Variants in CHCHD6 observed in about 807,000 individuals in gnomAD.
The protein encoded by CHCHD6 is coiled-coil-helix-coiled-coil-helix domain containing 6.
A neutral mutation model predicts 32.3 loss-of-function variants in CHCHD6; 28 were observed. The ratio of observed to expected loss-of-function variants is 0.87; its 90% confidence interval spans 0.64 to 1.19. CHCHD6 has a LOEUF of 1.19. Ranked by LOEUF, CHCHD6 falls within the 50% of genes most tolerant of loss-of-function variation. The pLI is 0.00. For missense variants in CHCHD6, 333 were observed against 307.0 expected, an observed-to-expected ratio of 1.08 and a Z score of -0.63; for synonymous variants, 122 against 117.5, an observed-to-expected ratio of 1.04 and a Z score of -0.25.
At chr3:126,786,416 A>G (rs1007956754) in intron 4 of CHCHD6, among the ~76,000 whole-genome samples, 8 of 152,204 alleles carry the variant, frequency 5.3e-5, no homozygotes, top group Admixed American at 3.3e-4. Context: ...GACTTCTACA[A>G]TGGTTGAACT....
chr3:126,933,449 T>A (rs1576620612), intron 6 of CHCHD6, among the ~76,000 whole-genome samples: 1 of 152,218 alleles, frequency 6.6e-6, no homozygotes, highest in African/African-American at 2.4e-5. Flanking sequence ...AGAGGTTTAT[T>A]TGGCTCATGG....
intron 5 of CHCHD6, among the ~76,000 whole-genome samples, chr3:126,895,893 T>G (rs2077831760): frequency 6.6e-6 from 1 of 152,202 alleles, no homozygotes; most frequent in Non-Finnish European, 1.5e-5. Context: ...TGGGACCTCT[T>G]GCCTCTGCTG....
chr3:126,761,553 G>A (rs1937162543), intron 4 of CHCHD6, among the ~76,000 whole-genome samples: 1 of 152,100 alleles, frequency 6.6e-6, no homozygotes, highest in Admixed American at 6.6e-5. Context: ...AGTTTCCCAA[G>A]TATCTGGGAC....
chr3:126,797,966 C>T (rs1938873735), intron 4 of CHCHD6, among the ~76,000 whole-genome samples: 1 of 152,208 alleles, frequency 6.6e-6, no homozygotes, highest in Non-Finnish European at 1.5e-5. Context: ...TGAATGATCT[C>T]CCCCAACTGT....
intron 6 of CHCHD6, among the ~76,000 whole-genome samples, chr3:126,921,292 A>T (rs1559923650): frequency 6.6e-6 from 1 of 152,182 alleles, no homozygotes; most frequent in Admixed American, 6.5e-5. Flanking sequence ...AGGAGTGTTG[A>T]TGGCAAGGCT....
chr3:126,800,410 G>A (rs1018049524), intron 4 of CHCHD6, among the ~76,000 whole-genome samples: 3 of 152,170 alleles, frequency 2.0e-5, no homozygotes, highest in East Asian at 1.9e-4. Flanking sequence ...GCTGGAACTC[G>A]GGCCTGCAGT....
At chr3:126,740,767 A>T (rs901008386) in intron 4 of CHCHD6, among the ~76,000 whole-genome samples, 15 of 152,254 alleles carry the variant, frequency 9.9e-5, no homozygotes, top group South Asian at 6.2e-4. Flanking sequence ...CTGGGTTCCC[A>T]CTTAACCTGG....
At chr3:126,776,755 A>G (rs1414947656) in intron 4 of CHCHD6, among the ~76,000 whole-genome samples, 5 of 152,206 alleles carry the variant, frequency 3.3e-5, no homozygotes, top group Non-Finnish European at 5.9e-5. Context: ...TTAGGGATAC[A>G]TTTTATAACC....
chr3:126,901,501 G>A (rs542066444), intron 5 of CHCHD6, among the ~76,000 whole-genome samples: 1 of 152,348 alleles, frequency 6.6e-6, no homozygotes, highest in South Asian at 2.1e-4. Context: ...CCCACGGGAA[G>A]TGGGAGCTGT....
chr3:126,898,027 C>A (rs1214442711), intron 5 of CHCHD6, among the ~76,000 whole-genome samples: 15 of 152,350 alleles, frequency 9.8e-5, no homozygotes, highest in Non-Finnish European at 1.5e-5. Context: ...CCCTGCAAAA[C>A]CTGTCTCGCA....
rs556203314 is a variant in CHCHD6 at position 126,724,503 on chromosome 3, CTT to C, written c.88-2571_88-2570del. Among the ~76,000 whole-genome samples the C allele has an allele frequency of 2.0e-5, 3 of 152,264 alleles. No homozygotes were observed. In the South Asian group the frequency reaches 6.2e-4, roughly 32 times the overall value. The stretch of plus-strand genomic sequence containing the variant: ...ATCTGAGCCTTTAGTGAGTCATAAT[CTT>C]TTTGCTGGTGGGGGGTCTTGCCTCC... On this transcript the variant is annotated intron_variant, in intron 1 of 7. Coordinates refer to ENST00000290913, the MANE Select transcript of CHCHD6 (RefSeq NM_032343.3).
At chr3:126,761,449 G>T (rs2107672536) in intron 4 of CHCHD6, among the ~76,000 whole-genome samples, 1 of 152,270 alleles carries the variant, frequency 6.6e-6, no homozygotes, top group East Asian at 1.9e-4. Context: ...CATCTGTAAA[G>T]AATGTAATTA....
At chr3:126,847,004 G>A (rs1530691) in intron 4 of CHCHD6, among the ~76,000 whole-genome samples, 23,894 of 152,166 alleles carry the variant, frequency 0.16, 2,492 homozygotes, top group Non-Finnish European at 0.24. Flanking sequence ...GTAGCAAGTC[G>A]TTAGGGTTTT....
intron 1 of CHCHD6, among the ~76,000 whole-genome samples, chr3:126,724,541 C>G (rs1388639834): frequency 6.6e-6 from 1 of 152,156 alleles, no homozygotes; most frequent in Non-Finnish European, 1.5e-5. Flanking sequence ...TTGTTGATGG[C>G]TGCTGACTGA....
chr3:126,957,273 T>C, intron 6 of CHCHD6, 143 bp from the exon 7 acceptor site: 2 of 911,972 alleles, frequency 2.2e-6, no homozygotes. Flanking sequence ...GCACAGTGCT[T>C]CTCCTTGAGG....
chr3:126,798,537 T>C (rs1401776223), intron 4 of CHCHD6, among the ~76,000 whole-genome samples: 1 of 152,184 alleles, frequency 6.6e-6, no homozygotes, highest in East Asian at 1.9e-4. Context: ...GTGGCAGGCC[T>C]AGTCATGATG....
intron 4 of CHCHD6, among the ~76,000 whole-genome samples, chr3:126,783,632 A>C (rs1938056325): frequency 6.6e-6 from 1 of 152,256 alleles, no homozygotes; most frequent in African/African-American, 2.4e-5. Context: ...ATTTCTATAT[A>C]CTAATAATGA....
intron 1 of CHCHD6, 22 bp downstream of exon 1, chr3:126,704,421 G>A (rs762633231): frequency 8.0e-5 from 119 of 1,487,204 alleles, no homozygotes; most frequent in Non-Finnish European, 1.0e-4. Flanking sequence ...CGCCTGGGCC[G>A]GGGCGGGCGT....
chr3:126,932,846 G>T (rs1195438655), intron 6 of CHCHD6, among the ~76,000 whole-genome samples: 1 of 152,178 alleles, frequency 6.6e-6, no homozygotes, highest in African/African-American at 2.4e-5. Context: ...GCAGGCCCAG[G>T]GCAGGCGGGG....
Sources: allele counts gnomAD v4.1 joint callset (sites outside exome capture counted in the v4.1 genomes callset), GRCh38; gene constraint gnomAD v4.1.1; transcripts MANE v1.5; gene names NCBI Gene and HGNC (gene_info 2026-07-23, HGNC 2026-07-21).